Variants in TMTC1 observed in about 807,000 individuals in gnomAD.
The protein encoded by TMTC1 is transmembrane O-mannosyltransferase targeting cadherins 1.
TMTC1 carries 73 observed loss-of-function variants against 104.8 expected under a neutral mutation model. The ratio of observed to expected loss-of-function variants is 0.70; its 90% CI spans 0.58 to 0.85. The LOEUF is 0.85. TMTC1 is among the 40% of genes least tolerant of loss of function. The pLI is 0.00. For missense variants in TMTC1, 1,035 were observed against 1,096.1 expected, an observed-to-expected ratio of 0.94 and a Z score of 0.79; for synonymous variants, 434 against 428.7, an observed-to-expected ratio of 1.01 and a Z score of -0.15.
chr12:29,514,459 A>G (rs752790845), intron 16 of TMTC1, 23 bp downstream of exon 16: 1 of 1,593,442 alleles, frequency 6.3e-7, no homozygotes, highest in Non-Finnish European at 8.5e-7. Context: ...ATTTGATGAT[A>G]TAATTTTATG....
intron 8 of TMTC1, among the ~76,000 whole-genome samples, chr12:29,580,256 C>T (rs922706295): frequency 1.3e-5 from 2 of 152,054 alleles, no homozygotes; most frequent in Non-Finnish European, 2.9e-5. Flanking sequence ...GAGGTCAAGG[C>T]TGCAGTGAGC....
intron 10 of TMTC1, among the ~76,000 whole-genome samples, chr12:29,548,984 T>A (rs1945023445): frequency 6.9e-6 from 1 of 145,082 alleles, no homozygotes; most frequent in African/African-American, 2.5e-5. Flanking sequence ...AATATATAAA[T>A]TAAATTAAAT....
chr12:29,689,041 A>C (rs906404647), intron 5 of TMTC1, among the ~76,000 whole-genome samples: 1 of 152,084 alleles, frequency 6.6e-6, no homozygotes, highest in Non-Finnish European at 1.5e-5. Flanking sequence ...TATTTACTTC[A>C]ATCCTGTCTC....
At chr12:29,603,081 T>G (rs1946609195) in intron 7 of TMTC1, among the ~76,000 whole-genome samples, 1 of 152,158 alleles carries the variant, frequency 6.6e-6, no homozygotes, top group South Asian at 2.1e-4. Context: ...AAGAATTGTG[T>G]TGTATTTCTG....
chr12:29,783,150 G>T lies in TMTC1; in HGVS notation c.302+300C>A. On this transcript the variant is annotated intron_variant, in intron 1 of 17. Transcript: ENST00000539277. This position sits in a 1 kb window ranked among gnomAD's most constrained non-coding sequence, Gnocchi z 4.7. ...CGGCAGGCGAAGGGGTGCGGAGGCGGTTTCACCAGCCCGCTCCCAGCCCTG... is the reference window on the plus strand; with the variant it reads ...CGGCAGGCGAAGGGGTGCGGAGGCGTTTTCACCAGCCCGCTCCCAGCCCTG... 3.0e-6 allele frequency: 1 copy of T among 337,620 alleles called. No individual in the cohort carries two copies. Among genetic ancestry groups the T allele is most frequent in the Non-Finnish European group, 5.3e-6 (1 of 187,396 alleles). The allele number at this position is 337,620 out of a possible 1,614,324, so 20.9% of individuals were successfully genotyped here. A position where few individuals can be genotyped will look rare whatever the true frequency, so the allele number is the denominator to read the frequency against.
In TMTC1 at chr12:29,602,471, A is replaced by G. The variant is rs989653811; in HGVS notation, c.1250+1707T>C. 4.6e-5 allele frequency among the ~76,000 whole-genome samples: 7 copies of G among 152,300 alleles called. No individual in the cohort carries two copies. The East Asian group carries it at 1.4e-3, about 29-fold the overall frequency. On this transcript the variant is annotated intron_variant, in intron 7 of 17. Transcript: ENST00000539277. ...TTTCATTTAATGATCACAATATGTCATTGAGTTGGGTGCTATTACTATTTC... is the reference window on the plus strand; with the variant it reads ...TTTCATTTAATGATCACAATATGTCGTTGAGTTGGGTGCTATTACTATTTC...
intron 5 of TMTC1, among the ~76,000 whole-genome samples, chr12:29,652,775 A>G (rs190751287): frequency 5.3e-5 from 8 of 152,334 alleles, no homozygotes; most frequent in Admixed American, 4.6e-4. Context: ...TGGAATAAAT[A>G]TCTTCGCTGG....
intron 5 of TMTC1, chr12:29,659,804 A>G (rs766942149): frequency 2.2e-5 from 25 of 1,133,296 alleles, no homozygotes; most frequent in Admixed American, 7.3e-5. Flanking sequence ...CTCAATATGC[A>G]AAGTCAGCCT....
intron 5 of TMTC1, among the ~76,000 whole-genome samples, chr12:29,652,003 T>C (rs1489720099): frequency 1.3e-5 from 2 of 152,152 alleles, no homozygotes; most frequent in Non-Finnish European, 2.9e-5. Flanking sequence ...CATGGTTCTG[T>C]GATGTAACTC....
chr12:29,628,834 G>A (rs541824198), intron 6 of TMTC1, among the ~76,000 whole-genome samples: 1 of 151,910 alleles, frequency 6.6e-6, no homozygotes, highest in South Asian at 2.1e-4. Flanking sequence ...GCTAATTTTT[G>A]TATTTTTAGT....
chr12:29,506,811 CA>C lies in TMTC1; in HGVS notation c.*34del. On this transcript the variant is annotated 3_prime_UTR_variant, in exon 18 of 18. Transcript: ENST00000539277. The stretch of plus-strand genomic sequence containing the variant: ...TCCATCACTCCCCTTTCAGAGGCAC[CA>C]CATTATCCTATGAGGTTGGGTCAGA... The C allele has an allele frequency of 6.2e-7, 1 of 1,612,656 alleles. No individual in the cohort carries two copies. The highest frequency in any genetic ancestry group is 1.1e-5 in the South Asian group (1 of 90,920).
At chr12:29,753,422 G>A (rs1362642433) in intron 4 of TMTC1, among the ~76,000 whole-genome samples, 1 of 152,218 alleles carries the variant, frequency 6.6e-6, no homozygotes, top group African/African-American at 2.4e-5. Flanking sequence ...GGTGCTCCGG[G>A]CTAACCCTGT....
rs188021746 is a variant in TMTC1 at position 29,579,845 on chromosome 12, C to T, written c.1418+3562G>A. ...TCATAAATCTCTCTCTCTGCTTATA[C>T]TTGAGCTAGCTTAGGTTAAAACACA... On this transcript the variant is annotated intron_variant, in intron 8 of 17. Transcript: ENST00000539277. 2.6e-5 allele frequency among the ~76,000 whole-genome samples: 4 copies of T among 152,272 alleles called. No homozygotes were observed. The East Asian group carries it at 7.7e-4, about 29-fold the overall frequency.
rs1304646001 is a variant in TMTC1 at position 29,520,487 on chromosome 12, T to C, written c.1888+131A>G. ...GAGAAATGACAGCCCCGAGGTATAATGACTGTCAATAGTGTGAGCTTCCTG... is the reference window on the plus strand; with the variant it reads ...GAGAAATGACAGCCCCGAGGTATAACGACTGTCAATAGTGTGAGCTTCCTG... On this transcript the variant is annotated intron_variant, in intron 12 of 17. Coordinates refer to ENST00000539277, the MANE Select transcript of TMTC1 (RefSeq NM_001193451.2). The C allele has an allele frequency of 1.1e-5, 8 of 736,566 alleles. No individual in the cohort carries two copies. In the Middle Eastern group the frequency reaches 9.4e-4, roughly 86 times the overall value. 45.6% of individuals were successfully genotyped at this position (736,566 alleles called of 1,614,324 possible).
intron 5 of TMTC1, among the ~76,000 whole-genome samples, chr12:29,698,953 A>G (rs1355307864): frequency 6.6e-6 from 1 of 152,216 alleles, no homozygotes; most frequent in Non-Finnish European, 1.5e-5. Flanking sequence ...CTGCTGCTTT[A>G]TTAGGATGAA....
intron 5 of TMTC1, among the ~76,000 whole-genome samples, chr12:29,681,623 G>A (rs1940921652): frequency 6.6e-6 from 1 of 152,100 alleles, no homozygotes; most frequent in South Asian, 2.1e-4. Context: ...ATAGGGCACA[G>A]TCAGCAAAAT....
intron 16 of TMTC1, among the ~76,000 whole-genome samples, chr12:29,513,534 T>C (rs1384154355): frequency 1.5e-5 from 2 of 135,900 alleles, no homozygotes; most frequent in Admixed American, 1.4e-4. Flanking sequence ...TTTCCATGTG[T>C]TTTCCAATAA....
At chr12:29,570,889 C>CAAG (rs1945655780) in intron 9 of TMTC1, among the ~76,000 whole-genome samples, 1 of 144,626 alleles carries the variant, frequency 6.9e-6, no homozygotes, top group Non-Finnish European at 1.5e-5. Context: ...ACACCCCCCC[C>CAAG]CCCCGCCAAA....
intron 15 of TMTC1, among the ~76,000 whole-genome samples, chr12:29,515,611 T>A (rs1943961086): frequency 6.6e-6 from 1 of 152,176 alleles, no homozygotes; most frequent in South Asian, 2.1e-4. Context: ...CCCAGACTCA[T>A]CGGGTCCCCT....
Sources: allele counts gnomAD v4.1 joint callset (sites outside exome capture counted in the v4.1 genomes callset), GRCh38; gene constraint gnomAD v4.1.1; non-coding constraint Gnocchi (gnomAD v3.1); transcripts MANE v1.5; gene names NCBI Gene and HGNC (gene_info 2026-07-23, HGNC 2026-07-21).